The following CPLANE1 variants were observed in gnomAD, a reference collection of about 807,000 sequenced individuals.
The protein encoded by CPLANE1 is ciliogenesis and planar polarity effector 1.
In CPLANE1, 263 loss-of-function variants were observed where a neutral mutation model predicts 362.5. The observed-to-expected ratio is 0.73, with a 90% CI of 0.66 to 0.80. The LOEUF is 0.80. CPLANE1 is among the 30% of genes least tolerant of loss of function. The pLI is 0.00. For synonymous variants in CPLANE1, 1,212 were observed against 1,302.6 expected (o/e 0.93, Z 1.50); for missense variants, 3,461 against 3,793.4 (o/e 0.91, Z 2.30).
chr5:37,193,914 CT>C (rs914550229), intron 21 of CPLANE1, among the ~76,000 whole-genome samples: 5 of 147,324 alleles, frequency 3.4e-5, no homozygotes, highest in African/African-American at 7.6e-5. Context: ...CAGAAAGGAA[CT>C]TTTTTTTTCT....
intron 16 of CPLANE1, chr5:37,211,158 G>A (rs1792485657): frequency 7.9e-7 from 1 of 1,261,536 alleles, no homozygotes; most frequent in African/African-American, 1.5e-5. Flanking sequence ...ACAGGAAAAA[G>A]TTCTAGCAGG....
intron 42 of CPLANE1, among the ~76,000 whole-genome samples, chr5:37,151,343 C>G (rs554802944): frequency 6.6e-6 from 1 of 152,320 alleles, no homozygotes; most frequent in South Asian, 2.1e-4. Flanking sequence ...CTTCACTTAC[C>G]CCGTCCAGTC....
At position 37,120,282 on chromosome 5, in the gene CPLANE1, A is replaced by T. The variant is rs545791930; in HGVS notation, c.9244T>A (p.Ser3082Thr). Residue 3082 changes from serine (S) to threonine (T), a missense_variant, in exon 50 of 53, where the codon TCC (serine) becomes ACC (threonine). Physicochemically the swap from Ser to Thr is moderately conservative, Grantham distance 58. Coordinates refer to ENST00000651892, the MANE Select transcript of CPLANE1 (RefSeq NM_001384732.1). ...INRPGKVKYM[S>T]KPSYIHKRKS... ...CTCTTATGGATATAACTCGGTTTGG[A>T]CATATATTTGACTTTTCCAGGTCGA... 325 of 1,600,758 alleles carry T rather than the reference A, an allele frequency of 2.0e-4. 1 individual carries two copies. In the South Asian group the frequency reaches 3.5e-3, roughly 17 times the overall value.
At chr5:37,182,613 GA>G in intron 26 of CPLANE1, 146 bp downstream of exon 26, 1 of 614,116 alleles carries the variant, frequency 1.6e-6, no homozygotes, top group Non-Finnish European at 2.7e-6. Flanking sequence ...ACCACTGGAA[GA>G]AAAAAATAGG....
chr5:37,164,698 CT>C (rs1234389086), intron 36 of CPLANE1, among the ~76,000 whole-genome samples: 2 of 152,206 alleles, frequency 1.3e-5, no homozygotes, highest in African/African-American at 4.8e-5. Flanking sequence ...TGAGGACTGA[CT>C]GAAAAAGCAT....
chr5:37,089,770 A>G, the CPLANE1 span, among the ~76,000 whole-genome samples: 1 of 152,202 alleles, frequency 6.6e-6, no homozygotes, highest in African/African-American at 2.4e-5. Flanking sequence ...TTCATTTACA[A>G]TATCAGCTAT....
At chr5:37,121,843 A>G (rs1253535041) in intron 48 of CPLANE1, 59 bp from the exon 49 acceptor site, 2 of 1,374,472 alleles carry the variant, frequency 1.5e-6, no homozygotes, top group African/African-American at 2.9e-5. Context: ...ATCTATCCAG[A>G]GGGAATATAG....
intron 21 of CPLANE1, among the ~76,000 whole-genome samples, chr5:37,194,499 C>T (rs1445207869): frequency 6.6e-6 from 1 of 152,014 alleles, no homozygotes; most frequent in Non-Finnish European, 1.5e-5. Flanking sequence ...ACCTGCCTGG[C>T]CCTTTTGTTA....
intron 14 of CPLANE1, among the ~76,000 whole-genome samples, chr5:37,223,729 C>A (rs993618792): frequency 4.6e-5 from 7 of 152,176 alleles, no homozygotes; most frequent in African/African-American, 1.7e-4. Context: ...AACTTACATA[C>A]AATTCTTAAA....
intron 21 of CPLANE1, among the ~76,000 whole-genome samples, chr5:37,194,883 T>C (rs1450017376): frequency 6.6e-6 from 1 of 151,674 alleles, no homozygotes; most frequent in African/African-American, 2.4e-5. Context: ...CCAGGCGCGG[T>C]GGCTCACACC....
At chr5:37,134,794 CT>C (rs372028750) in intron 46 of CPLANE1, among the ~76,000 whole-genome samples, 7,692 of 133,044 alleles carry the variant, frequency 0.058, 367 homozygotes, top group African/African-American at 0.15. Flanking sequence ...AAACTTTCCA[CT>C]TTTTTTTTTT....
chr5:37,233,511 G>C (rs979467555), intron 8 of CPLANE1, among the ~76,000 whole-genome samples: 2 of 152,018 alleles, frequency 1.3e-5, no homozygotes, highest in African/African-American at 4.8e-5. Context: ...GAACAGGGGA[G>C]ACCAAGCTCT....
chr5:37,175,953 G>C lies in CPLANE1; in HGVS notation c.5934C>G (p.Thr1978=), dbSNP rs1561500663. ...TATCTACTTGCATTGATTGAGGAGT[G>C]GTATGCCCAGGATGTGAAAAGGCTT... is the stretch of plus-strand genomic sequence containing the variant. ...MIEAFSHPGH[T]TPQSMQVDTS... Residue 1978 remains threonine (T), a synonymous_variant, in exon 31 of 53, where the codon ACC becomes ACG. Coordinates refer to ENST00000651892, the MANE Select transcript of CPLANE1 (RefSeq NM_001384732.1). 4 of 1,613,218 alleles carry C rather than the reference G, an allele frequency of 2.5e-6. No individual in the cohort carries two copies. The highest frequency in any genetic ancestry group is 2.5e-6 in the Non-Finnish European group (3 of 1,179,508).
downstream of CPLANE1, among the ~76,000 whole-genome samples, chr5:37,105,991 T>C (rs745933062): frequency 6.6e-6 from 1 of 152,156 alleles, no homozygotes. Flanking sequence ...AAATGACTAA[T>C]AGTCATTTTA....
intron 9 of CPLANE1, among the ~76,000 whole-genome samples, chr5:37,230,202 G>A: frequency 2.2e-5 from 3 of 133,680 alleles, no homozygotes; most frequent in Admixed American, 7.5e-5. Flanking sequence ...ATAAAACTAA[G>A]AATGAAAATT....
intron 44 of CPLANE1, chr5:37,141,916 A>T (rs1580110518): frequency 1.8e-6 from 1 of 559,274 alleles, no homozygotes; most frequent in East Asian, 1.4e-4. Context: ...GAATCTATGC[A>T]TATAAAACAG....
intron 21 of CPLANE1, among the ~76,000 whole-genome samples, chr5:37,188,824 C>T (rs975353215): frequency 1.3e-5 from 2 of 152,098 alleles, no homozygotes; most frequent in East Asian, 1.9e-4. Context: ...AGCATTCATT[C>T]ATTTATGCCT....
intron 31 of CPLANE1, among the ~76,000 whole-genome samples, chr5:37,174,800 C>T (rs888343483): frequency 4.6e-5 from 7 of 152,076 alleles, no homozygotes; most frequent in African/African-American, 1.7e-4. Flanking sequence ...CTTAACACAC[C>T]CAATAAAAAA....
At chr5:37,178,666 T>A (rs941019178) in intron 29 of CPLANE1, among the ~76,000 whole-genome samples, 7 of 152,022 alleles carry the variant, frequency 4.6e-5, no homozygotes, top group Non-Finnish European at 1.5e-5. Flanking sequence ...AATGTCTATG[T>A]TCCCCCTGGA....
Sources: allele counts gnomAD v4.1 joint callset (sites outside exome capture counted in the v4.1 genomes callset), GRCh38; gene constraint gnomAD v4.1.1; transcripts MANE v1.5; gene names NCBI Gene and HGNC (gene_info 2026-07-23, HGNC 2026-07-21).